Variants in TMC4 observed in about 807,000 individuals in gnomAD.
The protein encoded by TMC4 is transmembrane channel like 4.
TMC4 carries 70 observed loss-of-function variants against 82.0 expected under a neutral mutation model. The observed-to-expected ratio is 0.85, with a 90% CI of 0.70 to 1.04. The LOEUF (loss-of-function observed/expected upper bound fraction) is 1.04, where lower values mean the gene tolerates loss of function less well. Among genes scored for constraint, TMC4 ranks in the 50% least tolerant of loss-of-function variants. The pLI is 0.00. For synonymous variants in TMC4, 446 were observed against 406.0 expected (o/e 1.10, Z -1.18); for missense variants, 879 against 899.0 (o/e 0.98, Z 0.28).
chr19:54,161,900 C>T (rs974433888), intron 11 of TMC4, among the ~76,000 whole-genome samples: 12 of 152,094 alleles, frequency 7.9e-5, no homozygotes, highest in African/African-American at 2.7e-4. Flanking sequence ...TCTAGGACCC[C>T]GGAGTCTGAG....
At chr19:54,160,600 A>T (rs2075518786) in intron 13 of TMC4, 55 bp from the exon 14 acceptor site, 1 of 1,612,124 alleles carries the variant, frequency 6.2e-7, no homozygotes, top group Non-Finnish European at 8.5e-7. Context: ...TTATATCCAA[A>T]CGTCTGGCTC....
At chr19:54,163,988 T>C (rs2075637405) in intron 7 of TMC4, 101 bp from the exon 8 acceptor site, 6 of 1,302,732 alleles carry the variant, frequency 4.6e-6, no homozygotes, top group Non-Finnish European at 3.1e-6. Flanking sequence ...TTTTTTTTTT[T>C]TTTTGAGACA....
In TMC4 at chr19:54,160,456, G is replaced by C. The variant is rs1450913269; in HGVS notation, c.2052+11C>G. ...TCCCCAGGGGCCCTCTCAGGGACCC[G>C]CCTGGCTCACCGTCTCTCTCTGACG... On this transcript the variant is annotated intron_variant, in intron 14 of 14. Transcript: ENST00000619895. 11 of 1,612,764 alleles carry C rather than the reference G, an allele frequency of 6.8e-6. No individual in the cohort carries two copies. In the Admixed American group the frequency reaches 1.8e-4, roughly 27 times the overall value.
intron 2 of TMC4, among the ~76,000 whole-genome samples, chr19:54,170,365 G>A (rs17207314): frequency 0.038 from 5,731 of 151,752 alleles, 159 homozygotes; most frequent in Middle Eastern, 0.085. Context: ...AGGGAGAAGA[G>A]GTTACCTTGT....
At chr19:54,172,875 GAGT>G (rs1374293691) in intron 1 of TMC4, 161 bp downstream of exon 1, 7 of 651,936 alleles carry the variant, frequency 1.1e-5, no homozygotes, top group African/African-American at 3.7e-5. Flanking sequence ...TCAGACCCTG[GAGT>G]TCCAGCCTCC....
intron 2 of TMC4, among the ~76,000 whole-genome samples, chr19:54,170,663 C>T (rs183468628): frequency 3.8e-4 from 57 of 152,000 alleles, no homozygotes; most frequent in African/African-American, 1.4e-3. Context: ...ACAAATGTCT[C>T]GTTTTGTTGT....
intron 1 of TMC4, among the ~76,000 whole-genome samples, chr19:54,172,460 C>T (rs570978000): frequency 1.6e-5 from 2 of 128,104 alleles, no homozygotes; most frequent in Admixed American, 1.5e-4. Flanking sequence ...TCCAGGCCCC[C>T]GGCTCCTCCT....
At chr19:54,165,391 A>C (rs2075676590) in intron 6 of TMC4, 28 bp downstream of exon 6, 1 of 1,575,144 alleles carries the variant, frequency 6.3e-7, no homozygotes, top group East Asian at 2.3e-5. Context: ...GTCCCTACCC[A>C]GTTGCAGACC....
At chr19:54,167,429 G>A (rs918398889) in intron 5 of TMC4, among the ~76,000 whole-genome samples, 2 of 151,088 alleles carry the variant, frequency 1.3e-5, no homozygotes, top group African/African-American at 2.4e-5. Flanking sequence ...CGTGGTGGCC[G>A]GAGCCTGTAA....
In TMC4 at chr19:54,168,273, G is replaced by A; in HGVS notation, c.695C>T (p.Pro232Leu). ...LSGEGYLEWS[P>L]LFYGFYPPRP... The stretch of plus-strand genomic sequence containing the variant: ...GGGCGGGTAGAAGCCATAGAAGAGA[G>A]GGGACCATTCCAGGTAACCCTGTGG... The change falls in exon 5 of 15, where the codon CCT becomes CTT. Residue 232 changes from proline (P) to leucine (L), a missense_variant. Transcript: ENST00000619895. 6.4e-7 allele frequency: 1 copy of A among 1,555,324 alleles called. No individual in the cohort carries two copies. The highest frequency in any genetic ancestry group is 8.7e-7 in the Non-Finnish European group (1 of 1,148,950).
intron 8 of TMC4, 124 bp from the exon 9 acceptor site, chr19:54,163,283 T>TCAGGA: frequency 9.2e-7 from 1 of 1,092,222 alleles, no homozygotes; most frequent in Non-Finnish European, 1.3e-6. Context: ...AGTGACAGAA[T>TCAGGA]CAGGATTTCT....
In TMC4 at chr19:54,168,783, C is replaced by CTTT; in HGVS notation, c.443-106_443-104dup. ...CAGCCGCGCCTTCCTTTCTTTCTTTCTTTTCTTTTCTTTCTTTTCTTTTCT... is the reference window on the plus strand; with the variant it reads ...CAGCCGCGCCTTCCTTTCTTTCTTTCTTTTTTTCTTTTCTTTCTTTTCTTTTCT... On this transcript the variant is annotated intron_variant, in intron 3 of 14. Coordinates refer to ENST00000619895, the MANE Select transcript of TMC4 (RefSeq NM_144686.4). 6.1e-6 allele frequency: 2 copies of CTTT among 327,128 alleles called. 1 individual carries two copies. Among genetic ancestry groups the CTTT allele is most frequent in the Non-Finnish European group, 9.8e-6 (2 of 203,802 alleles). The allele number at this position is 327,128 out of a possible 1,614,324, so 20.3% of individuals were successfully genotyped here. A position where few individuals can be genotyped will look rare whatever the true frequency, so the allele number is the denominator to read the frequency against.
At chr19:54,172,975 T>C in intron 1 of TMC4, 64 bp downstream of exon 1, 1 of 1,463,110 alleles carries the variant, frequency 6.8e-7, no homozygotes, top group Non-Finnish European at 9.4e-7. Flanking sequence ...CCTTTCCTCC[T>C]CCAGCAGGAC....
In TMC4 at chr19:54,162,733, AG is replaced by A; in HGVS notation, c.1441del (p.Leu481PhefsTer7). 1 of 1,614,094 alleles carries A rather than the reference AG, an allele frequency of 6.2e-7. No homozygotes were observed. The highest frequency in any genetic ancestry group is 8.5e-7 in the Non-Finnish European group (1 of 1,180,016). ...GACAGTCAGCAGATCAAAGAGCAGA[AG>A]TTTGTACATTTCCTGGCCCAGGACA... ...ETVLGQEMYK[L>X]LLFDLLTVLA... On this transcript the variant is annotated frameshift_variant, in exon 10 of 15. Coordinates refer to ENST00000619895, the MANE Select transcript of TMC4 (RefSeq NM_144686.4). LOFTEE classifies it high-confidence loss of function.
chr19:54,173,092 G>C lies in TMC4; in HGVS notation c.26C>G (p.Ser9Ter), dbSNP rs777191546. Residue 9 changes from serine (S) to a stop codon, truncating the protein, a stop_gained, in exon 1 of 15, where the codon TCA (serine) becomes TGA (stop). Transcript: ENST00000619895. LOFTEE classifies it high-confidence loss of function. ...CTCCCTAGAGGAGCCCCAGGCTTCT[G>C]ATTCCAAGGTCGGGTTTTCTTCCAT... The part of the protein sequence containing the change: MEENPTLE[S>*]EAWGSSREWL... The C allele has an allele frequency of 1.3e-6, 2 of 1,599,202 alleles. No homozygotes were observed.
At chr19:54,171,805 G>A (rs1259114653) in intron 2 of TMC4, 65 bp downstream of exon 2, 27 of 1,442,136 alleles carry the variant, frequency 1.9e-5, no homozygotes, top group Non-Finnish European at 2.5e-5. Flanking sequence ...AGGAGACCGA[G>A]TCCAGGGTAT....
In TMC4 at chr19:54,165,648, A is replaced by G. The variant is rs935185452; in HGVS notation, c.798-82T>C. 22 of 1,480,846 alleles carry G rather than the reference A, an allele frequency of 1.5e-5. No homozygotes were observed. The African/African-American group carries it at 2.1e-4, about 14-fold the overall frequency. 91.7% of individuals were successfully genotyped at this position (1,480,846 alleles called of 1,614,324 possible). A position where few individuals can be genotyped will look rare whatever the true frequency, so the allele number is the denominator to read the frequency against. On this transcript the variant is annotated intron_variant, in intron 5 of 14. Transcript: ENST00000619895. Reference sequence around the variant, plus strand: ...TGGGGAGACCCCTCATATTGGGACAAATGGGGAAGATGAACCCTAAGGCCT... The same window carrying G: ...TGGGGAGACCCCTCATATTGGGACAGATGGGGAAGATGAACCCTAAGGCCT...
rs1395328170 is a variant in TMC4, at chr19:54,162,662, G to A, written c.1502+11C>T. 2 of 1,609,012 alleles carry A rather than the reference G, an allele frequency of 1.2e-6. No homozygotes were observed. The highest frequency in any genetic ancestry group is 2.7e-5 in the African/African-American group (2 of 74,786). On this transcript the variant is annotated intron_variant, in intron 10 of 14. Transcript: ENST00000619895. ...GAGGGGCGGGGCCACAGCAAGGGGC[G>A]GGGCTCTCACTTTCTAGGAAACTGG... is the stretch of plus-strand genomic sequence containing the variant.
chr19:54,171,753 A>T, intron 2 of TMC4, 117 bp downstream of exon 2: 1 of 907,494 alleles, frequency 1.1e-6, no homozygotes, highest in Non-Finnish European at 1.6e-6. Context: ...TGAGCGGGGC[A>T]GAGAGAGGCC....
Sources: gnomAD v4.1 joint callset for allele counts (sites outside exome capture counted in the v4.1 genomes callset) on GRCh38, gnomAD v4.1.1 for gene constraint, MANE v1.5 for transcripts, NCBI Gene and HGNC (gene_info 2026-07-23, HGNC 2026-07-21) for gene names.